Variants in COL4A6 observed in about 807,000 individuals in gnomAD.
COL4A6 encodes the protein collagen alpha-6(IV) chain.
A neutral mutation model predicts 126.7 loss-of-function variants in COL4A6; 59 were observed. The ratio of observed to expected loss-of-function variants is 0.47; its 90% CI spans 0.38 to 0.58. COL4A6 has a LOEUF of 0.58. COL4A6 is among the 20% of genes least tolerant of loss of function. COL4A6 has a pLI of 0.00. For missense variants in COL4A6, 1,285 were observed against 1,337.3 expected, an observed-to-expected ratio of 0.96 and a Z score of 0.61; for synonymous variants, 547 against 496.6, an observed-to-expected ratio of 1.10 and a Z score of -1.35.
chrX:108,181,713 T>G (rs1655177408), intron 23 of COL4A6, among the ~76,000 whole-genome samples: 1 of 111,825 alleles, frequency 8.9e-6, no homozygotes, highest in Non-Finnish European at 1.9e-5. Context: ...CCCTAGCAAA[T>G]TCTCCCTTGC....
chrX:108,315,941 G>A (rs1238174179), intron 2 of COL4A6, among the ~76,000 whole-genome samples: 2 of 112,147 alleles, frequency 1.8e-5, no homozygotes, highest in Non-Finnish European at 1.9e-5. Flanking sequence ...AGTTACAAGT[G>A]TTAGAGATCA....
chrX:108,308,104 A>C (rs1345374112), intron 3 of COL4A6, among the ~76,000 whole-genome samples: 1 of 111,677 alleles, frequency 9.0e-6, no homozygotes, highest in Non-Finnish European at 1.9e-5. Flanking sequence ...GTGCAGGGAT[A>C]TTCTAATTTC....
At chrX:108,351,116 G>A (rs922694958) in intron 2 of COL4A6, among the ~76,000 whole-genome samples, 3 of 111,470 alleles carry the variant, frequency 2.7e-5, no homozygotes, top group East Asian at 2.8e-4. Context: ...ACATCCTAGC[G>A]CCTGGACTTT....
intron 2 of COL4A6, among the ~76,000 whole-genome samples, chrX:108,406,806 C>T (rs767397426): frequency 9.0e-6 from 1 of 111,586 alleles, no homozygotes; most frequent in East Asian, 2.8e-4. Context: ...TTATAATATA[C>T]TTTGTATATT....
chrX:108,427,362 G>A (rs1185173780), intron 2 of COL4A6, among the ~76,000 whole-genome samples: 7 of 111,642 alleles, frequency 6.3e-5, no homozygotes, highest in South Asian at 3.7e-4. Flanking sequence ...ATTAGTTGAA[G>A]GGACGAAAAA....
At chrX:108,294,443 G>A (rs774110332) in intron 3 of COL4A6, among the ~76,000 whole-genome samples, 1 of 105,006 alleles carries the variant, frequency 9.5e-6, no homozygotes, top group East Asian at 3.0e-4. Context: ...ATGTGGTGTA[G>A]GTAGGCAGGA....
chrX:108,375,162 G>A (rs889876894), intron 2 of COL4A6, among the ~76,000 whole-genome samples: 1 of 111,210 alleles, frequency 9.0e-6, no homozygotes, highest in Non-Finnish European at 1.9e-5. Flanking sequence ...TGAAGGGGAA[G>A]AGCATCTCTT....
chrX:108,278,127 A>G (rs767700665), intron 3 of COL4A6, among the ~76,000 whole-genome samples: 80 of 112,598 alleles, frequency 7.1e-4, no homozygotes, highest in African/African-American at 2.3e-3. Flanking sequence ...CAGCAACAGA[A>G]CAAAGCTGGA....
intron 2 of COL4A6, among the ~76,000 whole-genome samples, chrX:108,436,829 C>T (rs1328748249): frequency 2.7e-5 from 3 of 111,184 alleles, no homozygotes; most frequent in African/African-American, 9.8e-5. Context: ...CATCATATGC[C>T]AAGATAAAAT....
chrX:108,347,081 C>T (rs919518069), intron 2 of COL4A6, among the ~76,000 whole-genome samples: 3 of 112,100 alleles, frequency 2.7e-5, no homozygotes, highest in Non-Finnish European at 5.6e-5. Context: ...TTTTCCAACC[C>T]GCTAATTCCA....
intron 3 of COL4A6, among the ~76,000 whole-genome samples, chrX:108,283,597 G>T (rs1486522087): frequency 1.9e-5 from 2 of 107,923 alleles, no homozygotes; most frequent in Non-Finnish European, 3.8e-5. Context: ...TTGGGGGGGG[G>T]TTGGCGGCGG....
chrX:108,275,052 TAAGA>T (rs1027115627), intron 3 of COL4A6, among the ~76,000 whole-genome samples: 4 of 111,352 alleles, frequency 3.6e-5, no homozygotes, highest in African/African-American at 1.3e-4. Flanking sequence ...TATATTTTAA[TAAGA>T]AAGAAATCTA....
chrX:108,438,583 T>C, upstream of COL4A6: 1 of 330,028 alleles, frequency 3.0e-6, no homozygotes, highest in Non-Finnish European at 4.0e-6. Context: ...CACAGCCCCT[T>C]AGAGACCTAT....
At chrX:108,400,714 G>A (rs1383809715) in intron 2 of COL4A6, among the ~76,000 whole-genome samples, 3 of 111,509 alleles carry the variant, frequency 2.7e-5, no homozygotes, top group Non-Finnish European at 3.8e-5. Flanking sequence ...GTATGAATGT[G>A]TATGTGTGTT....
chrX:108,436,653 G>A (rs995814473), intron 2 of COL4A6, among the ~76,000 whole-genome samples: 1 of 112,172 alleles, frequency 8.9e-6, no homozygotes, highest in Non-Finnish European at 1.9e-5. Flanking sequence ...ATAAGATGGA[G>A]AAGTACACAG....
intron 2 of COL4A6, among the ~76,000 whole-genome samples, chrX:108,391,143 AG>A (rs1408036012): frequency 9.0e-6 from 1 of 111,410 alleles, no homozygotes; most frequent in Admixed American, 9.5e-5. Flanking sequence ...CCCTACTGGT[AG>A]GTGTCTCCCA....
chrX:108,220,840 ATGGTGGCCCATG>A (rs2035998038), intron 4 of COL4A6, among the ~76,000 whole-genome samples: 1 of 112,886 alleles, frequency 8.9e-6, no homozygotes, highest in Non-Finnish European at 1.9e-5. Context: ...TGGGTGGGGC[ATGGTGGCCCATG>A]CCTGTAATCC....
chrX:108,255,399 T>TCCCC (rs2036976332), intron 3 of COL4A6, among the ~76,000 whole-genome samples: 3 of 110,004 alleles, frequency 2.7e-5, no homozygotes, highest in African/African-American at 9.9e-5. Flanking sequence ...AAAGGGAAGG[T>TCCCC]CAGGATGACC....
chrX:108,389,481 C>T (rs759027501), intron 2 of COL4A6, among the ~76,000 whole-genome samples: 14 of 111,285 alleles, frequency 1.3e-4, no homozygotes, highest in Non-Finnish European at 2.3e-4. Context: ...GACCTTCTTT[C>T]TCTCTTTTGA....
Sources: gnomAD v4.1 joint callset for allele counts (sites outside exome capture counted in the v4.1 genomes callset) on GRCh38, gnomAD v4.1.1 for gene constraint, MANE v1.5 for transcripts, NCBI Gene and HGNC (gene_info 2026-07-23, HGNC 2026-07-21) for gene names.